The following CA13 variants were observed in gnomAD, a reference collection of about 807,000 sequenced individuals.
CA13 encodes the protein CA-XIII.
A neutral mutation model predicts 31.5 loss-of-function variants in CA13; 21 were observed. The observed-to-expected ratio is 0.67, with a 90% CI of 0.47 to 0.96. The LOEUF is 0.96. CA13 is among the 40% of genes least tolerant of loss of function. CA13 has a pLI of 0.00. For synonymous variants in CA13, 117 were observed against 111.4 expected (o/e 1.05, Z -0.32); for missense variants, 315 against 318.9 (o/e 0.99, Z 0.09).
Position 85,245,844 on chromosome 8 carries a change from T to G in CA13, c.16T>G (p.Trp6Gly). The G allele has an allele frequency of 6.2e-7, 1 of 1,614,184 alleles. No individual in the cohort carries two copies. The highest frequency in any genetic ancestry group is 1.1e-5 in the South Asian group (1 of 91,080). Reference protein sequence around the residue: MSRLSWGYREHNGPIH... With the variant: MSRLSGGYREHNGPIH... ...CCGAGGGACCATGTCGAGGCTCAGC[T>G]GGGGATACCGCGAGCACAACGGTGA... Residue 6 changes from tryptophan (W) to glycine (G), a missense_variant, in exon 1 of 7, where the codon TGG becomes GGG. Physicochemically the swap from Trp to Gly is radical, Grantham distance 184. Transcript: ENST00000321764.
Position 85,281,510 on chromosome 8 carries a change from C to T in CA13, c.*161C>T. ...CACAAAGAAAACCAGATCTCTCTCT[C>T]TTTTTTTTTTATTTTTTTTAGTGAT... On this transcript the variant is annotated 3_prime_UTR_variant, in exon 7 of 7. Coordinates refer to ENST00000321764, the MANE Select transcript of CA13 (RefSeq NM_198584.3). 8.0e-7 allele frequency: 1 copy of T among 1,243,890 alleles called. No individual in the cohort carries two copies. The allele number at this position is 1,243,890 out of a possible 1,614,324, so 77.1% of individuals were successfully genotyped here.
chr8:85,281,511 T>TC lies in CA13; in HGVS notation c.*162_*163insC. Reference sequence around the variant, plus strand: ...ACAAAGAAAACCAGATCTCTCTCTCTTTTTTTTTTATTTTTTTTAGTGATA... The same window carrying TC: ...ACAAAGAAAACCAGATCTCTCTCTCTCTTTTTTTTTATTTTTTTTAGTGATA... On this transcript the variant is annotated 3_prime_UTR_variant, in exon 7 of 7. Transcript: ENST00000321764. The TC allele has an allele frequency of 9.1e-7, 1 of 1,097,038 alleles. No homozygotes were observed. 68.0% of individuals were successfully genotyped at this position (1,097,038 alleles called of 1,614,324 possible).
At chr8:85,247,078 A>T (rs1480960330) in intron 1 of CA13, among the ~76,000 whole-genome samples, 1 of 152,208 alleles carries the variant, frequency 6.6e-6, no homozygotes, top group South Asian at 2.1e-4. Flanking sequence ...AACTTTAATA[A>T]TAAAAGGTGT....
chr8:85,278,099 TAA>T, intron 6 of CA13, among the ~76,000 whole-genome samples: 2 of 142,926 alleles, frequency 1.4e-5, no homozygotes, highest in African/African-American at 2.6e-5. Context: ...TGTCTTCACT[TAA>T]AAAAAAAAAA....
chr8:85,245,676 C>G lies in CA13; in HGVS notation c.-153C>G. 1.2e-6 allele frequency: 1 copy of G among 811,052 alleles called. No homozygotes were observed. Among genetic ancestry groups the G allele is most frequent in the Non-Finnish European group, 2.0e-6 (1 of 496,784 alleles). 50.2% of individuals were successfully genotyped at this position (811,052 alleles called of 1,614,324 possible). A position where few individuals can be genotyped will look rare whatever the true frequency, so the allele number is the denominator to read the frequency against. ...GCCTCTGCCGTCTGGAGGACGCAGG[C>G]GGGAGCGCCCCGGACCGGGTTCACG... On this transcript the variant is annotated 5_prime_UTR_variant, in exon 1 of 7. Coordinates refer to ENST00000321764, the MANE Select transcript of CA13 (RefSeq NM_198584.3).
At chr8:85,261,883 T>C (rs1807385008) in intron 3 of CA13, among the ~76,000 whole-genome samples, 1 of 151,988 alleles carries the variant, frequency 6.6e-6, no homozygotes, top group Non-Finnish European at 1.5e-5. Context: ...TCTCGATCTG[T>C]TGCCCAGGCT....
intron 6 of CA13, among the ~76,000 whole-genome samples, chr8:85,271,106 G>T (rs2129993407): frequency 6.6e-6 from 1 of 152,296 alleles, no homozygotes; most frequent in African/African-American, 2.4e-5. Context: ...TGATATTGTG[G>T]TGGTTTTAAA....
At position 85,283,176 on chromosome 8, in the gene CA13, G is replaced by A. The variant is rs530210585; in HGVS notation, c.*1827G>A. 6.6e-6 allele frequency: 1 copy of A among 152,092 alleles called. No individual in the cohort carries two copies. Among genetic ancestry groups the A allele is most frequent in the East Asian group, 1.9e-4 (1 of 5,180 alleles). 9.4% of individuals were successfully genotyped at this position (152,092 alleles called of 1,614,324 possible). ...TGACCTCAAGTGATCTGCCTGCCTCGGCCTCTCAAATTGCTGGAATTACAG... is the reference window on the plus strand; with the variant it reads ...TGACCTCAAGTGATCTGCCTGCCTCAGCCTCTCAAATTGCTGGAATTACAG... On this transcript the variant is annotated 3_prime_UTR_variant, in exon 7 of 7. Transcript: ENST00000321764.
chr8:85,268,339 T>C, intron 5 of CA13, 133 bp from the exon 6 acceptor site: 1 of 772,610 alleles, frequency 1.3e-6, no homozygotes, highest in Non-Finnish European at 2.1e-6. Flanking sequence ...TAAAGGAAGA[T>C]ATTACATAAT....
intron 6 of CA13, 110 bp from the exon 7 acceptor site, chr8:85,281,119 CA>C: frequency 7.7e-7 from 1 of 1,299,476 alleles, no homozygotes; most frequent in Non-Finnish European, 1.0e-6. Flanking sequence ...AGAAAATTTT[CA>C]TTGCAGTATT....
chr8:85,260,677 TG>T (rs1368299352), intron 3 of CA13, among the ~76,000 whole-genome samples: 1 of 152,218 alleles, frequency 6.6e-6, no homozygotes, highest in Non-Finnish European at 1.5e-5. Context: ...AAGTTTTTTA[TG>T]ATGGTGGACA....
At chr8:85,253,627 G>A (rs1356142115) in intron 2 of CA13, among the ~76,000 whole-genome samples, 3 of 152,034 alleles carry the variant, frequency 2.0e-5, no homozygotes, top group Admixed American at 1.3e-4. Context: ...TCAACTTTTC[G>A]GAGGAAATGC....
rs1200047735 is a variant in CA13 at position 85,276,335 on chromosome 8, G to A, written c.670-4895G>A. Among the ~76,000 whole-genome samples, 10 of 152,294 alleles carry A rather than the reference G, an allele frequency of 6.6e-5. No individual in the cohort carries two copies. In the East Asian group the frequency reaches 1.4e-3, roughly 21 times the overall value. On this transcript the variant is annotated intron_variant, in intron 6 of 6. Coordinates refer to ENST00000321764, the MANE Select transcript of CA13 (RefSeq NM_198584.3). ...ACCTCCGTGGGCTCCTGTGCGGCCC[G>A]AGCTTCCCCAAACGATCGCTGCCCC... is the stretch of plus-strand genomic sequence containing the variant.
At chr8:85,261,233 G>C (rs1242921657) in intron 3 of CA13, among the ~76,000 whole-genome samples, 1 of 152,056 alleles carries the variant, frequency 6.6e-6, no homozygotes, top group African/African-American at 2.4e-5. Flanking sequence ...AAAAAACTTA[G>C]GTACAACTTA....
rs970733236 is a variant in CA13 at position 85,281,873 on chromosome 8, C to T, written c.*524C>T. The T allele has an allele frequency of 2.6e-5, 4 of 152,386 alleles. No homozygotes were observed. The highest frequency in any genetic ancestry group is 9.7e-5 in the African/African-American group (4 of 41,444). The allele number at this position is 152,386 out of a possible 1,614,324, so 9.4% of individuals were successfully genotyped here. ...TCTTATTTGCACTCATGGATATTCACAGTAAGCATTGTTTGACATATATTA... is the reference window on the plus strand; with the variant it reads ...TCTTATTTGCACTCATGGATATTCATAGTAAGCATTGTTTGACATATATTA... On this transcript the variant is annotated 3_prime_UTR_variant, in exon 7 of 7. Transcript: ENST00000321764.
intron 1 of CA13, among the ~76,000 whole-genome samples, chr8:85,249,404 A>G (rs1358497841): frequency 6.6e-6 from 1 of 151,666 alleles, no homozygotes; most frequent in African/African-American, 2.4e-5. Flanking sequence ...CTGAGGTGGA[A>G]GGATTGTTTG....
intron 1 of CA13, among the ~76,000 whole-genome samples, chr8:85,249,602 T>C (rs1813790727): frequency 6.6e-6 from 1 of 152,202 alleles, no homozygotes; most frequent in African/African-American, 2.4e-5. Flanking sequence ...TTTAAAATGT[T>C]TTTGGTTGTC....
intron 1 of CA13, among the ~76,000 whole-genome samples, chr8:85,248,468 A>G (rs1813768832): frequency 6.6e-6 from 1 of 151,748 alleles, no homozygotes; most frequent in African/African-American, 2.4e-5. Flanking sequence ...AAAAAAAAAA[A>G]AAAAAAGAAA....
chr8:85,261,409 C>T (rs1807376733), intron 3 of CA13, among the ~76,000 whole-genome samples: 1 of 152,046 alleles, frequency 6.6e-6, no homozygotes, highest in South Asian at 2.1e-4. Context: ...TTTATGCATG[C>T]TTTAAACAAA....
Sources: allele counts gnomAD v4.1 joint callset (sites outside exome capture counted in the v4.1 genomes callset), GRCh38; gene constraint gnomAD v4.1.1; transcripts MANE v1.5; gene names NCBI Gene and HGNC (gene_info 2026-07-23, HGNC 2026-07-21).